The following NINJ2 variants were observed in gnomAD, a reference collection of about 807,000 sequenced individuals.
NINJ2 encodes ninjurin 2.
In NINJ2, 12 loss-of-function variants were observed where a neutral mutation model predicts 11.7. The observed-to-expected ratio is 1.02, with a 90% CI of 0.66 to 1.66. NINJ2 has a LOEUF of 1.66. NINJ2 is among the 40% of genes most tolerant of loss of function. The pLI, the probability that NINJ2 is intolerant of heterozygous loss-of-function variation, is 0.00. For missense variants in NINJ2, 187 were observed against 181.8 expected (o/e 1.03, Z -0.16); for synonymous variants, 93 against 76.8 (o/e 1.21, Z -1.10).
At chr12:601,418 G>T (rs1420191456) in intron 1 of NINJ2, among the ~76,000 whole-genome samples, 1 of 143,994 alleles carries the variant, frequency 6.9e-6, no homozygotes, top group East Asian at 1.9e-4. Context: ...CGTGGTGGCG[G>T]GCGCCTGTAG....
At chr12:622,349 G>T (rs988874576) in intron 1 of NINJ2, among the ~76,000 whole-genome samples, 1 of 139,570 alleles carries the variant, frequency 7.2e-6, no homozygotes, top group African/African-American at 2.6e-5. Flanking sequence ...AGCGGAGCTT[G>T]CTGTGAGCTG....
In NINJ2 at chr12:643,593, G is replaced by A. The variant is rs765649560; in HGVS notation, c.33+19735C>T. 3.0e-5 allele frequency: 30 copies of A among 987,998 alleles called. No individual in the cohort carries two copies. The Admixed American group carries it at 3.7e-4, about 12-fold the overall frequency. 61.2% of individuals were successfully genotyped at this position (987,998 alleles called of 1,614,324 possible). On this transcript the variant is annotated intron_variant, in intron 1 of 3. Transcript: ENST00000305108. ...CTGGAGATGAGGAAACCGAGGCTCG[G>A]AGAGATGAAGCGTTGTACGGCCACC...
At chr12:634,596 C>T (rs980854456) in intron 1 of NINJ2, among the ~76,000 whole-genome samples, 2 of 152,054 alleles carry the variant, frequency 1.3e-5, no homozygotes, top group Non-Finnish European at 2.9e-5. Context: ...AAAGGCCAAA[C>T]ACACACAAAA....
intron 1 of NINJ2, among the ~76,000 whole-genome samples, chr12:608,615 G>A (rs1947970119): frequency 6.6e-6 from 1 of 152,210 alleles, no homozygotes; most frequent in South Asian, 2.1e-4. Flanking sequence ...TACCCAAGCC[G>A]TGACACAGGG....
intron 1 of NINJ2, among the ~76,000 whole-genome samples, chr12:605,350 C>T (rs147379981): frequency 9.8e-5 from 15 of 152,332 alleles, no homozygotes; most frequent in African/African-American, 3.6e-4. Flanking sequence ...AGGCTTATAC[C>T]CTTCCCCAAC....
intron 1 of NINJ2, among the ~76,000 whole-genome samples, chr12:650,427 C>T (rs1404573010): frequency 1.3e-5 from 2 of 152,296 alleles, no homozygotes; most frequent in African/African-American, 2.4e-5. Context: ...TGGCCAGGCG[C>T]GGTGGCTCAC....
chr12:637,706 T>C (rs947793548), intron 1 of NINJ2, among the ~76,000 whole-genome samples: 3 of 151,486 alleles, frequency 2.0e-5, no homozygotes, highest in African/African-American at 2.4e-5. Flanking sequence ...CCAAATGCCA[T>C]TGGGTAGGGC....
At chr12:597,741 T>C (rs1947807554) in intron 1 of NINJ2, among the ~76,000 whole-genome samples, 2 of 152,190 alleles carry the variant, frequency 1.3e-5, no homozygotes, top group South Asian at 4.1e-4. Context: ...AAGAGGCGAA[T>C]GTATTAGTGG....
chr12:654,839 C>T (rs543119335), intron 1 of NINJ2, among the ~76,000 whole-genome samples: 4 of 150,872 alleles, frequency 2.7e-5, no homozygotes, highest in Admixed American at 2.6e-4. Flanking sequence ...TTGCAGTGAA[C>T]TGAGATCAAC....
intron 1 of NINJ2, among the ~76,000 whole-genome samples, chr12:570,133 G>A (rs548642591): frequency 7.2e-4 from 109 of 152,310 alleles, no homozygotes; most frequent in African/African-American, 2.4e-3. Context: ...AGAATCAACC[G>A]AAGCTGAAAT....
chr12:631,491 G>GTA (rs943614357), intron 1 of NINJ2, among the ~76,000 whole-genome samples: 1 of 152,190 alleles, frequency 6.6e-6, no homozygotes, highest in African/African-American at 2.4e-5. Flanking sequence ...AGCCTCCCGA[G>GTA]TAGCTGGGAG....
intron 1 of NINJ2, among the ~76,000 whole-genome samples, chr12:616,698 T>A (rs1450597092): frequency 6.6e-6 from 1 of 152,216 alleles, no homozygotes; most frequent in Non-Finnish European, 1.5e-5. Context: ...GAAGCAAGAC[T>A]TCTGAGTGGT....
chr12:657,331 T>C lies in NINJ2; in HGVS notation c.33+5997A>G, dbSNP rs1937886650. On this transcript the variant is annotated intron_variant, in intron 1 of 3. Coordinates refer to ENST00000305108, the MANE Select transcript of NINJ2 (RefSeq NM_016533.6). ...AAGGCCGGGCGCAGTGGCTCACACC[T>C]GTAATCCCAGCACTTTGGGAGGCTG... is the stretch of plus-strand genomic sequence containing the variant. Among the ~76,000 whole-genome samples, 7 of 152,304 alleles carry C rather than the reference T, an allele frequency of 4.6e-5. No individual in the cohort carries two copies. The South Asian group carries it at 1.4e-3, about 32-fold the overall frequency.
chr12:635,029 A>G (rs1394476677), intron 1 of NINJ2, among the ~76,000 whole-genome samples: 1 of 150,968 alleles, frequency 6.6e-6, no homozygotes, highest in Non-Finnish European at 1.5e-5. Flanking sequence ...ACAGGTGTCA[A>G]TCACTACACC....
chr12:610,508 C>T (rs1948014436), intron 1 of NINJ2: 17 of 1,513,402 alleles, frequency 1.1e-5, no homozygotes, highest in African/African-American at 2.7e-5. Context: ...CCGTGGGTCC[C>T]CACAGCGGCC....
intron 1 of NINJ2, among the ~76,000 whole-genome samples, chr12:567,105 GA>G (rs750099041): frequency 2.6e-5 from 4 of 152,240 alleles, no homozygotes; most frequent in Non-Finnish European, 4.4e-5. Context: ...GGATCAGGGT[GA>G]AAAGGAACTG....
Position 566,184 on chromosome 12 carries a change from G to A in NINJ2, c.34-6C>T, listed in dbSNP as rs780823393. On this transcript the variant is annotated splice_region_variant and splice_polypyrimidine_tract_variant and intron_variant, in intron 1 of 3. Coordinates refer to ENST00000305108, the MANE Select transcript of NINJ2 (RefSeq NM_016533.6). ...CTGGGGTCGGAGCTTCCAGGCTGTA[G>A]GGGAGAAAGCACAGACTTACCAAGG... The A allele has an allele frequency of 6.2e-7, 1 of 1,610,796 alleles. No individual in the cohort carries two copies. The highest frequency in any genetic ancestry group is 1.1e-5 in the South Asian group (1 of 90,668).
intron 1 of NINJ2, among the ~76,000 whole-genome samples, chr12:574,980 G>A (rs965284689): frequency 6.6e-6 from 1 of 152,146 alleles, no homozygotes. Context: ...TGAGATGAGA[G>A]GGAAATCTAT....
At chr12:589,301 A>G (rs1253613676) in intron 1 of NINJ2, among the ~76,000 whole-genome samples, 1 of 152,266 alleles carries the variant, frequency 6.6e-6, no homozygotes, top group African/African-American at 2.4e-5. Flanking sequence ...CTATGATTAG[A>G]TACAGAAGAT....
Sources: allele counts gnomAD v4.1 joint callset (sites outside exome capture counted in the v4.1 genomes callset), GRCh38; gene constraint gnomAD v4.1.1; transcripts MANE v1.5; gene names NCBI Gene and HGNC (gene_info 2026-07-23, HGNC 2026-07-21).